FZD3: variants seen among roughly 807,000 people sequenced by gnomAD.
The protein encoded by FZD3 is frizzled class receptor 3.
A neutral mutation model predicts 60.7 loss-of-function variants in FZD3; 30 were observed. That is an observed-to-expected ratio of 0.49 (90% confidence interval 0.37 to 0.67). The LOEUF (loss-of-function observed/expected upper bound fraction) is 0.67, where lower values mean the gene tolerates loss of function less well. FZD3 is among the 30% of genes least tolerant of loss of function. FZD3 has a pLI of 0.00. For missense variants in FZD3, 605 were observed against 838.7 expected (o/e 0.72, Z 3.44); for synonymous variants, 246 against 275.2 (o/e 0.89, Z 1.05).
In FZD3 at chr8:28,527,853, C is replaced by G. The variant is rs1235389654; in HGVS notation, c.1093C>G (p.Leu365Val). The change falls in exon 5 of 8, where the codon CTC (leucine) becomes GTC (valine). Residue 365 changes from leucine (L) to valine (V), a missense_variant. Transcript: ENST00000240093. The surrounding 1 kb of genome is among the most constrained non-coding windows in gnomAD (Gnocchi z 5.0). ...DNISGVCFVG[L>V]YDVDALRYFV... ...TATTAGTGGCGTGTGTTTTGTTGGC[C>G]TCTACGATGTTGATGCATTGAGATA... 1 of 1,614,022 alleles carries G rather than the reference C, an allele frequency of 6.2e-7. No individual in the cohort carries two copies. Among genetic ancestry groups the G allele is most frequent in the Admixed American group, 1.7e-5 (1 of 59,976 alleles).
chr8:28,552,369 G>A (rs552513601), intron 6 of FZD3, among the ~76,000 whole-genome samples: 61 of 152,178 alleles, frequency 4.0e-4, no homozygotes, highest in Admixed American at 2.0e-3. Flanking sequence ...TGGCCATACT[G>A]CATATTACAG....
chr8:28,556,951 T>G lies in FZD3; in HGVS notation c.1787+980T>G, dbSNP rs74458241. On this transcript the variant is annotated intron_variant, in intron 7 of 7. Transcript: ENST00000240093. ...AGACACTAGAATTAGAAACTGCCTT[T>G]GAGCTTTTCAGTAATTCTTTTGAGA... 4.8e-3 allele frequency among the ~76,000 whole-genome samples: 730 copies of G among 152,306 alleles called. 26 individuals are homozygous for G. In the East Asian group the frequency reaches 0.093, roughly 19 times the overall value.
intron 3 of FZD3, among the ~76,000 whole-genome samples, chr8:28,514,078 A>G (rs1344588763): frequency 6.6e-6 from 1 of 152,262 alleles, no homozygotes; most frequent in Non-Finnish European, 1.5e-5. Context: ...ATTTAATTTT[A>G]GAAAGTTACT....
intron 5 of FZD3, among the ~76,000 whole-genome samples, chr8:28,538,177 TAATA>T (rs940828107): frequency 1.1e-4 from 16 of 151,230 alleles, no homozygotes; most frequent in Admixed American, 4.6e-4. Flanking sequence ...GTTATCACTA[TAATA>T]AATAAATAAA....
chr8:28,494,540 A>G (rs7837157), intron 1 of FZD3, among the ~76,000 whole-genome samples, 197 bp downstream of exon 1: 134,253 of 151,966 alleles, frequency 0.88, 59,470 homozygotes, highest in East Asian at 0.98. Context: ...TGGGCGCCGG[A>G]CTGTGGCGGG....
In FZD3 at chr8:28,572,750, G is replaced by T. The variant is rs569561765; in HGVS notation, c.*9739G>T. 5.9e-5 allele frequency: 9 copies of T among 152,134 alleles called. No homozygotes were observed. The highest frequency in any genetic ancestry group is 1.9e-4 in the African/African-American group (8 of 41,522). 9.4% of individuals were successfully genotyped at this position (152,134 alleles called of 1,614,324 possible). On this transcript the variant is annotated 3_prime_UTR_variant, in exon 8 of 8. Coordinates refer to ENST00000240093, the MANE Select transcript of FZD3 (RefSeq NM_017412.4). ...TTAATGAATACTGCTATGTGGTGTA[G>T]TAAACAAATTTGCCATAAAATGCCA...
chr8:28,515,229 T>G (rs1050447087), intron 3 of FZD3, among the ~76,000 whole-genome samples: 4 of 152,232 alleles, frequency 2.6e-5, no homozygotes, highest in African/African-American at 9.6e-5. Context: ...CCAAAGTATG[T>G]TACCAGTGGC....
Position 28,563,287 on chromosome 8 carries a change from A to G in FZD3, c.*276A>G, listed in dbSNP as rs1377413104. The stretch of plus-strand genomic sequence containing the variant: ...GTCTGGTAAGCATTTTTATAAACCC[A>G]CTCATTTTATATTTAGAAAAATCCT... On this transcript the variant is annotated 3_prime_UTR_variant, in exon 8 of 8. Coordinates refer to ENST00000240093, the MANE Select transcript of FZD3 (RefSeq NM_017412.4). 1 of 368,584 alleles carries G rather than the reference A, an allele frequency of 2.7e-6. No individual in the cohort carries two copies. The highest frequency in any genetic ancestry group is 5.1e-6 in the Non-Finnish European group (1 of 196,498). The allele number at this position is 368,584 out of a possible 1,614,324, so 22.8% of individuals were successfully genotyped here. A position where few individuals can be genotyped will look rare whatever the true frequency, so the allele number is the denominator to read the frequency against.
chr8:28,533,490 CTTTAAA>C (rs1167627151), intron 5 of FZD3, among the ~76,000 whole-genome samples: 1 of 152,156 alleles, frequency 6.6e-6, no homozygotes, highest in Non-Finnish European at 1.5e-5. Context: ...TTAATAGTTA[CTTTAAA>C]TTTAACCAAA....
intron 1 of FZD3, among the ~76,000 whole-genome samples, chr8:28,495,219 C>G (rs1276475601): frequency 1.3e-5 from 2 of 152,148 alleles, no homozygotes; most frequent in African/African-American, 4.8e-5. Context: ...AGAACAAAAG[C>G]ACGTGCCATG....
At chr8:28,539,026 TA>T (rs966269052) in intron 5 of FZD3, among the ~76,000 whole-genome samples, 7 of 151,950 alleles carry the variant, frequency 4.6e-5, no homozygotes, top group African/African-American at 7.3e-5. Flanking sequence ...TCTCGTCTCT[TA>T]AAAAAATACG....
intron 5 of FZD3, among the ~76,000 whole-genome samples, chr8:28,540,254 G>C (rs1805128321): frequency 6.6e-6 from 1 of 152,158 alleles, no homozygotes; most frequent in South Asian, 2.1e-4. Flanking sequence ...TTCTGAGACA[G>C]AGTCTCGCTC....
chr8:28,520,539 A>C, intron 3 of FZD3, 99 bp from the exon 4 acceptor site: 1 of 743,628 alleles, frequency 1.3e-6, no homozygotes, highest in South Asian at 3.6e-5. Context: ...TAACCCTCAG[A>C]ATTTTCTTGT....
chr8:28,547,918 T>C (rs1008290676), intron 5 of FZD3, among the ~76,000 whole-genome samples: 1 of 151,580 alleles, frequency 6.6e-6, no homozygotes, highest in East Asian at 1.9e-4. Context: ...AGTGGCATGA[T>C]CTCAGCTCAC....
At chr8:28,544,533 T>C (rs993635515) in intron 5 of FZD3, among the ~76,000 whole-genome samples, 4 of 152,240 alleles carry the variant, frequency 2.6e-5, no homozygotes, top group African/African-American at 9.6e-5. Context: ...ATATCTATCA[T>C]AATATAAATT....
At chr8:28,506,919 A>G (rs1280208274) in intron 3 of FZD3, among the ~76,000 whole-genome samples, 2 of 152,228 alleles carry the variant, frequency 1.3e-5, no homozygotes, top group Admixed American at 6.5e-5. Flanking sequence ...CCATGTATCC[A>G]GCATCCAGCC....
chr8:28,533,451 A>G (rs1054239431), intron 5 of FZD3, among the ~76,000 whole-genome samples: 92 of 152,266 alleles, frequency 6.0e-4, no homozygotes, highest in African/African-American at 1.4e-3. Context: ...TTTATTGTCA[A>G]TGTTTTAAAA....
chr8:28,550,119 A>G (rs1232203551), intron 5 of FZD3, among the ~76,000 whole-genome samples: 1 of 152,078 alleles, frequency 6.6e-6, no homozygotes, highest in Non-Finnish European at 1.5e-5. Flanking sequence ...GAATTTTCCT[A>G]TGAAACTTTT....
intron 5 of FZD3, among the ~76,000 whole-genome samples, chr8:28,547,400 T>G (rs1005703013): frequency 2.0e-5 from 3 of 152,234 alleles, no homozygotes; most frequent in Non-Finnish European, 4.4e-5. Context: ...TATAAATATA[T>G]CTGTAGCATA....
Sources: gnomAD v4.1 joint callset for allele counts (sites outside exome capture counted in the v4.1 genomes callset) on GRCh38, gnomAD v4.1.1 for gene constraint, Gnocchi (gnomAD v3.1) non-coding constraint, MANE v1.5 for transcripts, NCBI Gene and HGNC (gene_info 2026-07-23, HGNC 2026-07-21) for gene names.